DRC11: variants seen among roughly 807,000 people sequenced by gnomAD.
The protein encoded by DRC11 is dynein regulatory complex subunit 11, also known as IQ and AAA domain-containing protein 1.
At chr2:236,331,863 C>A in the DRC11 span, 1 of 448,716 alleles carries the variant, frequency 2.2e-6, no homozygotes, top group Non-Finnish European at 4.0e-6. The surrounding 1 kb of genome is among the most constrained non-coding windows in gnomAD (Gnocchi z 4.8). Context: ...CACAAAACCA[C>A]CGTCAGTATA....
the DRC11 span, among the ~76,000 whole-genome samples, chr2:236,346,042 G>A: frequency 2.0e-5 from 3 of 152,190 alleles, no homozygotes; most frequent in African/African-American, 7.2e-5. Context: ...CAACGCCTGG[G>A]CCGGCTGCAT....
the DRC11 span, among the ~76,000 whole-genome samples, chr2:236,365,471 C>A: frequency 7.2e-5 from 11 of 151,906 alleles, no homozygotes; most frequent in South Asian, 1.0e-3. The surrounding 1 kb of genome is among the most constrained non-coding windows in gnomAD (Gnocchi z 7.4). Context: ...GAGGAGCCAG[C>A]GGTCAGGGGC....
the DRC11 span, among the ~76,000 whole-genome samples, chr2:236,474,710 C>A: frequency 1.3e-5 from 2 of 152,078 alleles, no homozygotes; most frequent in African/African-American, 4.8e-5. Flanking sequence ...GAAATACTGA[C>A]ATATCATCAT....
At chr2:236,380,849 C>T in the DRC11 span, among the ~76,000 whole-genome samples, 8 of 152,124 alleles carry the variant, frequency 5.3e-5, no homozygotes, top group Non-Finnish European at 1.2e-4. This position sits in a 1 kb window ranked among gnomAD's most constrained non-coding sequence, Gnocchi z 4.9. Context: ...TGTGGACAGA[C>T]GTGAGGTCCC....
chr2:236,464,864 C>T, the DRC11 span, among the ~76,000 whole-genome samples: 1 of 152,294 alleles, frequency 6.6e-6, no homozygotes, highest in Middle Eastern at 3.4e-3. Flanking sequence ...TTGGCTCTTG[C>T]TCTTGCCATT....
the DRC11 span, among the ~76,000 whole-genome samples, chr2:236,491,172 T>G: frequency 2.8e-4 from 27 of 96,944 alleles, no homozygotes; most frequent in African/African-American, 1.2e-3. Flanking sequence ...TATATATATA[T>G]ATATATATAC....
At chr2:236,408,811 A>T in the DRC11 span, 1 of 665,748 alleles carries the variant, frequency 1.5e-6, no homozygotes. This position sits in a 1 kb window ranked among gnomAD's most constrained non-coding sequence, Gnocchi z 5.5. Context: ...CACATAGCCC[A>T]CAATGCCCAT....
chr2:236,343,278 C>T, the DRC11 span, among the ~76,000 whole-genome samples: 1 of 152,230 alleles, frequency 6.6e-6, no homozygotes, highest in African/African-American at 2.4e-5. The surrounding 1 kb of genome is among the most constrained non-coding windows in gnomAD (Gnocchi z 6.6). Flanking sequence ...TCAGGAGGAA[C>T]ATTCCCGTTC....
the DRC11 span, among the ~76,000 whole-genome samples, chr2:236,416,721 T>TATATATATATATATATATATATATTTTTA: frequency 1.6e-5 from 1 of 64,248 alleles, no homozygotes; most frequent in Non-Finnish European, 2.9e-5. Context: ...ATATATATAT[T>TATATATATATATATATATATATATTTTTA]TATATATATA....
At chr2:236,397,136 C>G in the DRC11 span, among the ~76,000 whole-genome samples, 1 of 152,214 alleles carries the variant, frequency 6.6e-6, no homozygotes, top group East Asian at 1.9e-4. This position sits in a 1 kb window ranked among gnomAD's most constrained non-coding sequence, Gnocchi z 5.0. Context: ...GTGTAGCGAT[C>G]TGGTTTCGTG....
At chr2:236,316,176 T>TCTCTCTCTCTCTCTCTCTCTCTC in the DRC11 span, among the ~76,000 whole-genome samples, 7 of 151,000 alleles carry the variant, frequency 4.6e-5, no homozygotes, top group South Asian at 2.1e-4. The surrounding 1 kb of genome is among the most constrained non-coding windows in gnomAD (Gnocchi z 6.8). Flanking sequence ...TCTCTCTCTC[T>TCTCTCTCTCTCTCTCTCTCTCTC]TTTTGAGATG....
the DRC11 span, among the ~76,000 whole-genome samples, chr2:236,482,671 AG>A: frequency 1.3e-5 from 2 of 152,272 alleles, no homozygotes; most frequent in South Asian, 4.1e-4. The surrounding 1 kb of genome is among the most constrained non-coding windows in gnomAD (Gnocchi z 4.5). Flanking sequence ...ATTACACTCA[AG>A]GTTGTGTTTT....
chr2:236,502,879 C>T, the DRC11 span, among the ~76,000 whole-genome samples: 8 of 149,718 alleles, frequency 5.3e-5, no homozygotes, highest in East Asian at 1.2e-3. Context: ...CACTTGAACC[C>T]GGGAGGCGGA....
At chr2:236,395,549 T>C in the DRC11 span, among the ~76,000 whole-genome samples, 1 of 152,202 alleles carries the variant, frequency 6.6e-6, no homozygotes, top group Admixed American at 6.5e-5. Context: ...ACTCCTGCAT[T>C]TGAAGTGAAT....
At chr2:236,361,447 A>T in the DRC11 span, among the ~76,000 whole-genome samples, 1 of 152,108 alleles carries the variant, frequency 6.6e-6, no homozygotes, top group Non-Finnish European at 1.5e-5. The surrounding 1 kb of genome is among the most constrained non-coding windows in gnomAD (Gnocchi z 5.7). Flanking sequence ...TTTTAAAAAG[A>T]CAAATGACCA....
the DRC11 span, among the ~76,000 whole-genome samples, chr2:236,384,665 T>C: frequency 6.6e-6 from 1 of 151,934 alleles, no homozygotes; most frequent in African/African-American, 2.4e-5. Context: ...TTTAGTTTAA[T>C]TAGATCCCAT....
chr2:236,363,456 C>T, the DRC11 span, among the ~76,000 whole-genome samples: 794 of 152,302 alleles, frequency 5.2e-3, 6 homozygotes, highest in African/African-American at 0.018. This position sits in a 1 kb window ranked among gnomAD's most constrained non-coding sequence, Gnocchi z 5.6. Flanking sequence ...AATATCTCTA[C>T]CTGATGCCAA....
the DRC11 span, among the ~76,000 whole-genome samples, chr2:236,459,650 TATGTATATACATACG>T: frequency 2.2e-5 from 3 of 133,526 alleles, no homozygotes; most frequent in East Asian, 6.0e-4. Context: ...TATACGTATA[TATGTATATACATACG>T]TATATACGTA....
the DRC11 span, among the ~76,000 whole-genome samples, chr2:236,330,098 G>A: frequency 1.3e-5 from 2 of 152,220 alleles, no homozygotes; most frequent in African/African-American, 4.8e-5. This position sits in a 1 kb window ranked among gnomAD's most constrained non-coding sequence, Gnocchi z 5.5. Flanking sequence ...ATCATTTGAA[G>A]AGGATAATAT....
Sources: gnomAD v4.1 joint callset for allele counts (sites outside exome capture counted in the v4.1 genomes callset) on GRCh38, gnomAD v4.1.1 for gene constraint, Gnocchi (gnomAD v3.1) non-coding constraint, MANE v1.5 for transcripts, NCBI Gene and HGNC (gene_info 2026-07-23, HGNC 2026-07-21) for gene names.